ELMO1: variants seen among roughly 807,000 people sequenced by gnomAD.
The protein encoded by ELMO1 is engulfment and cell motility 1.
In ELMO1, 26 loss-of-function variants were observed where a neutral mutation model predicts 98.9. That is an observed-to-expected ratio of 0.26 (90% CI 0.19 to 0.36). The LOEUF (loss-of-function observed/expected upper bound fraction) is 0.36. ELMO1 is among the 10% of genes least tolerant of loss of function. The pLI is 1.00. For synonymous variants in ELMO1, 346 were observed against 346.0 expected (o/e 1.00, Z 0.00); for missense variants, 627 against 935.2 (o/e 0.67, Z 4.30).
At chr7:37,227,828 A>G (rs564124024) in intron 8 of ELMO1, among the ~76,000 whole-genome samples, 3 of 152,326 alleles carry the variant, frequency 2.0e-5, no homozygotes, top group African/African-American at 2.4e-5. Context: ...TAATTCAGGC[A>G]TATTTATATC....
intron 7 of ELMO1, among the ~76,000 whole-genome samples, chr7:37,243,859 T>G (rs1794870317): frequency 6.6e-6 from 1 of 152,176 alleles, no homozygotes; most frequent in South Asian, 2.1e-4. Flanking sequence ...TCAGACACAA[T>G]CATACAATTC....
chr7:36,853,483 A>G lies in ELMO1; in HGVS notation c.*2068T>C, dbSNP rs1801991871. 6.6e-6 allele frequency among the ~76,000 whole-genome samples: 1 copy of G among 152,230 alleles called. No individual in the cohort carries two copies. The highest frequency in any genetic ancestry group is 2.1e-4 in the South Asian group (1 of 4,832). On this transcript the variant is annotated 3_prime_UTR_variant, in exon 22 of 22. Transcript: ENST00000310758. ...CCTTTGACCTAACACTTACTGTTTT[A>G]TCATGATGATGGGTAGATTAATAAC...
At chr7:37,320,456 T>G (rs187329306) in intron 2 of ELMO1, among the ~76,000 whole-genome samples, 5 of 152,160 alleles carry the variant, frequency 3.3e-5, no homozygotes. Context: ...CTCATGCCAT[T>G]TGCTTTGTTG....
intron 16 of ELMO1, among the ~76,000 whole-genome samples, chr7:36,967,130 T>G (rs958937952): frequency 1.3e-5 from 2 of 152,210 alleles, no homozygotes; most frequent in African/African-American, 2.4e-5. Flanking sequence ...GAAATGTATA[T>G]TTAGTTTACA....
intron 13 of ELMO1, among the ~76,000 whole-genome samples, chr7:37,157,410 G>GA: frequency 6.6e-6 from 1 of 152,288 alleles, no homozygotes; most frequent in South Asian, 2.1e-4. Context: ...TGTATATCTA[G>GA]AAAACCCCAT....
chr7:36,926,407 T>C (rs1317527259), intron 16 of ELMO1, among the ~76,000 whole-genome samples: 1 of 152,170 alleles, frequency 6.6e-6, no homozygotes, highest in Non-Finnish European at 1.5e-5. Context: ...TAAACCTAGG[T>C]GGGCATTTTT....
intron 13 of ELMO1, among the ~76,000 whole-genome samples, chr7:37,182,252 C>T (rs1309668583): frequency 6.6e-6 from 1 of 152,096 alleles, no homozygotes; most frequent in Non-Finnish European, 1.5e-5. Flanking sequence ...TTGGTAACAT[C>T]GGTAGAGTTT....
chr7:37,250,904 A>C (rs1795310952), intron 6 of ELMO1, among the ~76,000 whole-genome samples: 1 of 151,996 alleles, frequency 6.6e-6, no homozygotes, highest in African/African-American at 2.4e-5. Context: ...GCTTACTCAT[A>C]TTCCAGCAGC....
At chr7:36,972,996 G>T (rs995336023) in intron 16 of ELMO1, among the ~76,000 whole-genome samples, 4 of 152,136 alleles carry the variant, frequency 2.6e-5, no homozygotes, top group African/African-American at 9.7e-5. Flanking sequence ...GACCAGGCTG[G>T]TCTCGAACTA....
chr7:37,230,183 A>G (rs1214684836), intron 8 of ELMO1, among the ~76,000 whole-genome samples: 1 of 152,156 alleles, frequency 6.6e-6, no homozygotes, highest in Non-Finnish European at 1.5e-5. Flanking sequence ...CCAGGCCCCG[A>G]GGATAAAGAC....
chr7:37,161,918 A>ATATATATATATATATATATATATATG (rs1789237736), intron 13 of ELMO1, among the ~76,000 whole-genome samples: 1 of 90,766 alleles, frequency 1.1e-5, no homozygotes, highest in African/African-American at 3.4e-5. Flanking sequence ...ATATATATAT[A>ATATATATATATATATATATATATATG]TATATATATA....
At chr7:37,059,057 G>A (rs764241729) in intron 15 of ELMO1, among the ~76,000 whole-genome samples, 6 of 152,142 alleles carry the variant, frequency 3.9e-5, no homozygotes, top group Non-Finnish European at 8.8e-5. Flanking sequence ...GTCTCCCTGT[G>A]GTTAGAGTCT....
chr7:37,113,131 G>C (rs948796257), intron 14 of ELMO1, among the ~76,000 whole-genome samples: 2 of 152,250 alleles, frequency 1.3e-5, no homozygotes, highest in East Asian at 1.9e-4. Context: ...AGAGAGGTTA[G>C]AGCGTGTTCC....
intron 4 of ELMO1, among the ~76,000 whole-genome samples, chr7:37,304,434 G>A (rs979424292): frequency 2.0e-5 from 3 of 152,160 alleles, no homozygotes; most frequent in Non-Finnish European, 4.4e-5. Flanking sequence ...GGGCAGAGGC[G>A]TCTGGGCACG....
intron 4 of ELMO1, among the ~76,000 whole-genome samples, chr7:37,313,354 A>G (rs1798983922): frequency 6.6e-6 from 1 of 152,110 alleles, no homozygotes; most frequent in Non-Finnish European, 1.5e-5. Flanking sequence ...CTTCCCGAAC[A>G]GCTTGGATTA....
chr7:36,995,677 A>G (rs1007906752), intron 16 of ELMO1, among the ~76,000 whole-genome samples: 4 of 152,220 alleles, frequency 2.6e-5, no homozygotes, highest in Non-Finnish European at 5.9e-5. Context: ...TAACAGATAA[A>G]TAAATGTATC....
At chr7:37,294,818 A>G (rs957576303) in intron 4 of ELMO1, among the ~76,000 whole-genome samples, 1 of 152,020 alleles carries the variant, frequency 6.6e-6, no homozygotes, top group African/African-American at 2.4e-5. Flanking sequence ...TGGCCAACAC[A>G]GTGAAACCCC....
intron 13 of ELMO1, among the ~76,000 whole-genome samples, chr7:37,188,409 TACAC>T (rs566236838): frequency 0.019 from 2,149 of 115,820 alleles, 46 homozygotes; most frequent in African/African-American, 0.047. Context: ...TGCTTCTTGT[TACAC>T]ACACACACAC....
chr7:37,045,596 A>C (rs2129199260), intron 15 of ELMO1, among the ~76,000 whole-genome samples: 1 of 152,308 alleles, frequency 6.6e-6, no homozygotes, highest in Non-Finnish European at 1.5e-5. Context: ...ATTTTAGTAG[A>C]GAGGAAGTAA....
Sources: allele counts gnomAD v4.1 joint callset (sites outside exome capture counted in the v4.1 genomes callset), GRCh38; gene constraint gnomAD v4.1.1; transcripts MANE v1.5; gene names NCBI Gene and HGNC (gene_info 2026-07-23, HGNC 2026-07-21).